Variants in OSBP observed in about 807,000 individuals in gnomAD.
OSBP encodes the protein oxysterol-binding protein 1.
In OSBP, 32 loss-of-function variants were observed where a neutral mutation model predicts 96.6. The ratio of observed to expected loss-of-function variants is 0.33; its 90% CI spans 0.25 to 0.45. The LOEUF (loss-of-function observed/expected upper bound fraction) is 0.45. OSBP is among the 20% of genes least tolerant of loss of function. The probability of loss-of-function intolerance (pLI) is 1.00; values close to 1 mark genes in which losing one functional copy is unlikely to be tolerated. For missense variants in OSBP, 653 were observed against 1,029.7 expected (o/e 0.63, Z 5.01); for synonymous variants, 369 against 389.6 (o/e 0.95, Z 0.62).
intron 9 of OSBP, among the ~76,000 whole-genome samples, chr11:59,581,925 C>A (rs146277051): frequency 6.6e-6 from 1 of 152,174 alleles, no homozygotes; most frequent in East Asian, 1.9e-4. Context: ...TAGTCTGTAC[C>A]GGGACCAGGC....
chr11:59,604,033 A>G (rs1860751306), intron 3 of OSBP, among the ~76,000 whole-genome samples: 1 of 152,230 alleles, frequency 6.6e-6, no homozygotes, highest in African/African-American at 2.4e-5. Flanking sequence ...GAAACAGTAC[A>G]GAGTGCATAC....
Position 59,615,310 on chromosome 11 carries a change from A to G in OSBP, c.355T>C (p.Tyr119His). The change falls in exon 1 of 14, where the codon TAC becomes CAC. Residue 119 changes from tyrosine (Y) to histidine (H), a missense_variant. Physicochemically the swap from Tyr to His is moderately conservative, Grantham distance 83 (BLOSUM62 2). Transcript: ENST00000263847. ...CGCCCCGGAAGCAGTTACCTGTAGT[A>G]GCTCAGGAGCCCGTTGCTCAGCACG... Reference protein sequence around the residue: ...WFVLSNGLLSYYRSKAEMRHT... With the variant: ...WFVLSNGLLSHYRSKAEMRHT... 3 of 1,600,700 alleles carry G rather than the reference A, an allele frequency of 1.9e-6. No individual in the cohort carries two copies. The highest frequency in any genetic ancestry group is 2.6e-6 in the Non-Finnish European group (3 of 1,171,626).
intron 7 of OSBP, among the ~76,000 whole-genome samples, chr11:59,597,299 C>G (rs1406254416): frequency 6.6e-6 from 1 of 151,964 alleles, no homozygotes; most frequent in Admixed American, 6.6e-5. Flanking sequence ...CCTGCCTCAG[C>G]CTCCCAAAGT....
intron 9 of OSBP, among the ~76,000 whole-genome samples, chr11:59,586,617 C>T (rs1168395982): frequency 6.6e-6 from 1 of 152,142 alleles, no homozygotes; most frequent in Non-Finnish European, 1.5e-5. Flanking sequence ...AGCTAGAGGA[C>T]TCAAACTTCC....
intron 9 of OSBP, among the ~76,000 whole-genome samples, chr11:59,588,192 G>A (rs962862566): frequency 1.4e-4 from 22 of 152,156 alleles, no homozygotes; most frequent in Non-Finnish European, 5.9e-5. Context: ...TTAAAATAGA[G>A]ACAGAAAGTA....
intron 3 of OSBP, among the ~76,000 whole-genome samples, chr11:59,604,208 A>G (rs943646600): frequency 1.3e-5 from 2 of 152,166 alleles, no homozygotes; most frequent in East Asian, 3.9e-4. Flanking sequence ...ACATGTAAGC[A>G]CTTAGAACCA....
intron 9 of OSBP, among the ~76,000 whole-genome samples, chr11:59,590,752 T>G (rs1465703235): frequency 6.6e-6 from 1 of 152,232 alleles, no homozygotes; most frequent in Non-Finnish European, 1.5e-5. Flanking sequence ...CTATATCTAC[T>G]GGCTTAACAA....
intron 10 of OSBP, 79 bp from the exon 11 acceptor site, chr11:59,580,348 C>A (rs1011005343): frequency 1.1e-6 from 1 of 888,012 alleles, no homozygotes; most frequent in Admixed American, 1.9e-5. Flanking sequence ...TAATTCTTTA[C>A]TTTTCAATCT....
chr11:59,585,444 C>A (rs2134656333), intron 9 of OSBP, among the ~76,000 whole-genome samples: 1 of 151,804 alleles, frequency 6.6e-6, no homozygotes, highest in South Asian at 2.1e-4. Context: ...CCGGCAGCCG[C>A]CCCGTCTGAG....
intron 9 of OSBP, among the ~76,000 whole-genome samples, chr11:59,584,148 T>C (rs962457856): frequency 1.3e-5 from 2 of 151,956 alleles, no homozygotes; most frequent in African/African-American, 4.8e-5. Context: ...GGTTCCACTA[T>C]GTTGCCTAAA....
At chr11:59,588,457 A>C (rs1860530230) in intron 9 of OSBP, among the ~76,000 whole-genome samples, 1 of 151,046 alleles carries the variant, frequency 6.6e-6, no homozygotes, top group Non-Finnish European at 1.5e-5. Flanking sequence ...AATCGCTTGA[A>C]CCTGGGAGGT....
In OSBP at chr11:59,615,237, C is replaced by G; in HGVS notation, c.362+66G>C. 4.4e-6 allele frequency: 6 copies of G among 1,373,126 alleles called. No individual in the cohort carries two copies. The Admixed American group carries it at 9.1e-5, about 21-fold the overall frequency. 85.1% of individuals were successfully genotyped at this position (1,373,126 alleles called of 1,614,324 possible). A position where few individuals can be genotyped will look rare whatever the true frequency, so the allele number is the denominator to read the frequency against. ...CTGCGGTGCCGGCTGGCGGTAATGC[C>G]GGAGCTGGGACTGTTGGCAGATATG... On this transcript the variant is annotated intron_variant, in intron 1 of 13. Transcript: ENST00000263847.
chr11:59,605,632 C>G (rs1250692851), intron 3 of OSBP, among the ~76,000 whole-genome samples: 1 of 152,090 alleles, frequency 6.6e-6, no homozygotes, highest in African/African-American at 2.4e-5. Context: ...GTGATCCACT[C>G]GACTCGGCCT....
intron 9 of OSBP, among the ~76,000 whole-genome samples, chr11:59,591,660 G>A (rs367574022): frequency 5.8e-5 from 8 of 139,112 alleles, no homozygotes; most frequent in East Asian, 2.1e-4. Context: ...TGCTCTTGTC[G>A]CCCAGGCTGG....
At chr11:59,583,634 GT>G (rs764596509) in intron 9 of OSBP, among the ~76,000 whole-genome samples, 2,412 of 64,156 alleles carry the variant, frequency 0.038, 72 homozygotes, top group African/African-American at 0.14. Flanking sequence ...CTAAATCTCT[GT>G]TTTTTTTTTT....
chr11:59,601,582 C>T, intron 4 of OSBP, 58 bp downstream of exon 4: 2 of 1,505,614 alleles, frequency 1.3e-6, no homozygotes, highest in Non-Finnish European at 1.8e-6. Context: ...CTCCTATCAA[C>T]TGCAGAAAAC....
chr11:59,603,800 T>A (rs991602554), intron 3 of OSBP, among the ~76,000 whole-genome samples: 1 of 152,094 alleles, frequency 6.6e-6, no homozygotes, highest in Non-Finnish European at 1.5e-5. Context: ...ACTACAGGTG[T>A]GAGGCACCAC....
Position 59,608,640 on chromosome 11 carries a change from G to A in OSBP, c.666C>T (p.Ser222=). Residue 222 remains serine (S), a synonymous_variant, in exon 3 of 14, where the codon AGC becomes AGT. Coordinates refer to ENST00000263847, the MANE Select transcript of OSBP (RefSeq NM_002556.3). ...GCTTAGCTATCAAGTCATTGCACGT[G>A]CTCAAGTCCTCTACTTTGCTAGAGA... is the stretch of plus-strand genomic sequence containing the variant. ...RTLSSKVEDL[S]TCNDLIAKHG... is the part of the protein sequence containing the mutation. 3.7e-6 allele frequency: 6 copies of A among 1,614,148 alleles called. No individual in the cohort carries two copies. Among genetic ancestry groups the A allele is most frequent in the Non-Finnish European group, 5.1e-6 (6 of 1,179,988 alleles).
chr11:59,612,530 A>C (rs1011712394), intron 1 of OSBP, among the ~76,000 whole-genome samples: 1 of 152,158 alleles, frequency 6.6e-6, no homozygotes, highest in Admixed American at 6.5e-5. Context: ...ATTGTAAACT[A>C]AAGAAGTTTC....
Sources: gnomAD v4.1 joint callset for allele counts (sites outside exome capture counted in the v4.1 genomes callset) on GRCh38, gnomAD v4.1.1 for gene constraint, MANE v1.5 for transcripts, NCBI Gene and HGNC (gene_info 2026-07-23, HGNC 2026-07-21) for gene names.